Variants in GMDS observed in about 807,000 individuals in gnomAD.
The protein encoded by GMDS is GDP-mannose 4,6 dehydratase.
Under a neutral mutation model 49.9 loss-of-function variants are expected in GMDS, and 20 were observed. The observed-to-expected ratio is 0.40, with a 90% confidence interval of 0.28 to 0.58. The LOEUF is 0.58. GMDS is among the 20% of genes least tolerant of loss of function. GMDS has a pLI of 0.42. For synonymous variants in GMDS, 177 were observed against 178.6 expected (o/e 0.99, Z 0.07); for missense variants, 362 against 481.4 (o/e 0.75, Z 2.32).
At chr6:1,922,158 C>T (rs879341250) in intron 7 of GMDS, among the ~76,000 whole-genome samples, 1 of 152,188 alleles carries the variant, frequency 6.6e-6, no homozygotes, top group Non-Finnish European at 1.5e-5. Flanking sequence ...GGTAAATATC[C>T]TCTGCACGTA....
chr6:1,700,618 G>A (rs892015176), intron 9 of GMDS, among the ~76,000 whole-genome samples: 22 of 152,154 alleles, frequency 1.4e-4, no homozygotes, highest in Non-Finnish European at 2.5e-4. Context: ...AACCGAAGTC[G>A]GCCTGAATAT....
In GMDS at chr6:2,218,595, T is replaced by A. The variant is rs1290756382; in HGVS notation, c.102+26726A>T. On this transcript the variant is annotated intron_variant, in intron 1 of 10. Coordinates refer to ENST00000380815, the MANE Select transcript of GMDS (RefSeq NM_001500.4). ...CATCTTGCAATGGAAAATAAGCAAT[T>A]TTTAAAAATTCACCTCAGAGAGTAC... 5.3e-5 allele frequency among the ~76,000 whole-genome samples: 8 copies of A among 152,342 alleles called. No homozygotes were observed. In the East Asian group the frequency reaches 1.5e-3, roughly 29 times the overall value.
At chr6:1,703,828 G>T (rs1756275111) in intron 9 of GMDS, among the ~76,000 whole-genome samples, 1 of 152,356 alleles carries the variant, frequency 6.6e-6, no homozygotes, top group South Asian at 2.1e-4. Flanking sequence ...GGCACACTGT[G>T]AAGTTGTATT....
chr6:1,870,077 C>T (rs541876242), intron 7 of GMDS, among the ~76,000 whole-genome samples: 1 of 152,344 alleles, frequency 6.6e-6, no homozygotes, highest in South Asian at 2.1e-4. Context: ...ATAGGAAGAC[C>T]ATGCCAGGAC....
chr6:1,968,483 G>T lies in GMDS; in HGVS notation c.346-7517C>A, dbSNP rs546996813. Among the ~76,000 whole-genome samples, 4 of 152,244 alleles carry T rather than the reference G, an allele frequency of 2.6e-5. No individual in the cohort carries two copies. The South Asian group carries it at 8.3e-4, about 32-fold the overall frequency. ...ATGATCCTGAGACACTGCTGATCAG[G>T]CACTATTCTGGAACTCTCTGCAAGG... is the stretch of plus-strand genomic sequence containing the variant. On this transcript the variant is annotated intron_variant, in intron 4 of 10. Transcript: ENST00000380815.
At chr6:1,667,172 C>T (rs549709390) in intron 9 of GMDS, among the ~76,000 whole-genome samples, 7 of 152,320 alleles carry the variant, frequency 4.6e-5, no homozygotes, top group South Asian at 2.1e-4. Context: ...AAGCAATCTG[C>T]GAGATGGCCG....
chr6:1,987,918 A>T (rs972371334), intron 4 of GMDS, among the ~76,000 whole-genome samples: 1 of 152,204 alleles, frequency 6.6e-6, no homozygotes, highest in Non-Finnish European at 1.5e-5. Flanking sequence ...TCGAAAAAAA[A>T]CTAAAGCTCA....
At chr6:1,859,778 G>A (rs1197786733) in intron 7 of GMDS, among the ~76,000 whole-genome samples, 1 of 152,200 alleles carries the variant, frequency 6.6e-6, no homozygotes, top group Non-Finnish European at 1.5e-5. Context: ...ACTGACAGGT[G>A]ATGTCTGCAG....
chr6:1,865,906 G>C (rs1384222317), intron 7 of GMDS, among the ~76,000 whole-genome samples: 1 of 152,106 alleles, frequency 6.6e-6, no homozygotes, highest in African/African-American at 2.4e-5. Flanking sequence ...AAAATGCATG[G>C]CTATATATAC....
chr6:1,935,077 A>T (rs184548284), intron 6 of GMDS, among the ~76,000 whole-genome samples: 14 of 152,354 alleles, frequency 9.2e-5, no homozygotes, highest in Non-Finnish European at 1.5e-4. Flanking sequence ...TAATTAACTT[A>T]AATACATACT....
At chr6:1,644,784 C>T (rs1466193317) in intron 9 of GMDS, among the ~76,000 whole-genome samples, 1 of 152,204 alleles carries the variant, frequency 6.6e-6, no homozygotes, top group Non-Finnish European at 1.5e-5. Context: ...GCCTTGCACC[C>T]ACTGCAAGCT....
intron 9 of GMDS, among the ~76,000 whole-genome samples, chr6:1,714,946 C>G (rs1341807477): frequency 6.6e-6 from 1 of 152,082 alleles, no homozygotes; most frequent in Non-Finnish European, 1.5e-5. Flanking sequence ...TGGAGAGGAG[C>G]CAGGGAGCAC....
intron 7 of GMDS, among the ~76,000 whole-genome samples, chr6:1,838,339 T>C (rs962458828): frequency 6.6e-6 from 1 of 152,234 alleles, no homozygotes; most frequent in East Asian, 1.9e-4. Context: ...AGGCAAATCA[T>C]GTTTGCTATG....
At chr6:2,201,857 G>C (rs1267636755) in intron 1 of GMDS, among the ~76,000 whole-genome samples, 7 of 128,580 alleles carry the variant, frequency 5.4e-5, no homozygotes, top group African/African-American at 8.9e-5. Flanking sequence ...GCACCACATG[G>C]GCATCCGAGA....
intron 4 of GMDS, among the ~76,000 whole-genome samples, chr6:1,962,880 C>CTTT (rs567905789): frequency 7.3e-6 from 1 of 137,848 alleles, no homozygotes. Flanking sequence ...TTTTTTCTTT[C>CTTT]TTTTTTTTTT....
intron 9 of GMDS, among the ~76,000 whole-genome samples, chr6:1,706,333 A>G (rs1335843919): frequency 1.3e-5 from 2 of 152,232 alleles, no homozygotes; most frequent in African/African-American, 4.8e-5. Context: ...GCAGCAGCAC[A>G]GGCTTAGTGA....
intron 7 of GMDS, among the ~76,000 whole-genome samples, chr6:1,862,584 A>G (rs1425729416): frequency 6.6e-6 from 1 of 152,254 alleles, no homozygotes; most frequent in Non-Finnish European, 1.5e-5. Flanking sequence ...TGTGATTAAT[A>G]TATTTCCACA....
intron 10 of GMDS, 68 bp from the exon 11 acceptor site, chr6:1,624,299 G>T: frequency 6.8e-7 from 1 of 1,473,960 alleles, no homozygotes; most frequent in Non-Finnish European, 9.4e-7. Flanking sequence ...CCCACCCCGG[G>T]TGTCGGCCCC....
chr6:1,869,527 T>G (rs1388049396), intron 7 of GMDS, among the ~76,000 whole-genome samples: 1 of 152,210 alleles, frequency 6.6e-6, no homozygotes, highest in African/African-American at 2.4e-5. Context: ...TAGCTCCTGG[T>G]CAATGTCTGG....
Sources: allele counts gnomAD v4.1 joint callset (sites outside exome capture counted in the v4.1 genomes callset), GRCh38; gene constraint gnomAD v4.1.1; transcripts MANE v1.5; gene names NCBI Gene and HGNC (gene_info 2026-07-23, HGNC 2026-07-21).